Variants in KIFBP observed in about 807,000 individuals in gnomAD.
KIFBP encodes the protein KIF-binding protein.
A neutral mutation model predicts 58.9 loss-of-function variants in KIFBP; 46 were observed. That is an observed-to-expected ratio of 0.78 (90% confidence interval 0.62 to 1.00). KIFBP has a LOEUF of 1.00. Among genes scored for constraint, KIFBP ranks in the 50% least tolerant of loss-of-function variants. The pLI, the probability that KIFBP is intolerant of heterozygous loss-of-function variation, is 0.00. For synonymous variants in KIFBP, 241 were observed against 283.4 expected (o/e 0.85, Z 1.50); for missense variants, 651 against 752.9 (o/e 0.86, Z 1.58).
At position 69,012,319 on chromosome 10, in the gene KIFBP, G is replaced by A. The variant is rs540468728; in HGVS notation, c.990+1304G>A. ...ATTAAGGCCTCGGAAAAGTGCCTGA[G>A]ACATACTAAGTCCTTAATAAATGTT... On this transcript the variant is annotated intron_variant, in intron 6 of 6. Coordinates refer to ENST00000361983, the MANE Select transcript of KIFBP (RefSeq NM_015634.4). Among the ~76,000 whole-genome samples the A allele has an allele frequency of 1.1e-4, 16 of 152,222 alleles. No homozygotes were observed. The South Asian group carries it at 2.5e-3, about 24-fold the overall frequency.
intron 1 of KIFBP, among the ~76,000 whole-genome samples, chr10:68,990,627 T>A (rs888775741): frequency 2.6e-5 from 4 of 152,140 alleles, no homozygotes; most frequent in African/African-American, 9.7e-5. Context: ...AAAAATACTT[T>A]AAAAAGTTAA....
intron 4 of KIFBP, among the ~76,000 whole-genome samples, chr10:69,006,495 TA>T (rs975625391): frequency 5.9e-5 from 9 of 152,188 alleles, no homozygotes; most frequent in Non-Finnish European, 1.2e-4. Context: ...GAATTTCTCA[TA>T]AAAATTTAAA....
intron 2 of KIFBP, among the ~76,000 whole-genome samples, chr10:69,004,251 G>A (rs1843505979): frequency 6.7e-6 from 1 of 150,092 alleles, no homozygotes; most frequent in African/African-American, 2.5e-5. Flanking sequence ...AACTTAAAGA[G>A]GCTGGGCACC....
intron 2 of KIFBP, 67 bp from the exon 3 acceptor site, chr10:69,004,979 T>C: frequency 8.8e-7 from 1 of 1,131,058 alleles, no homozygotes; most frequent in Non-Finnish European, 1.3e-6. Flanking sequence ...CTCCAGGTCC[T>C]CCAGAAGAGG....
chr10:69,011,662 G>C (rs949880490), intron 6 of KIFBP, among the ~76,000 whole-genome samples: 2 of 147,036 alleles, frequency 1.4e-5, no homozygotes, highest in Non-Finnish European at 3.0e-5. Context: ...GGGATTACAG[G>C]TGTGAGCCAC....
chr10:69,016,087 G>A lies in KIFBP; in HGVS notation c.1537G>A (p.Ala513Thr), dbSNP rs1300021171. The stretch of plus-strand genomic sequence containing the variant: ...AAAAATAAATAATCTTAATAAGTCA[G>A]CACTGAAGTACTACCAGCTCTTCTT... ...VKKINNLNKS[A>T]LKYYQLFLDS... Residue 513 changes from alanine to threonine, a missense_variant, in exon 7 of 7, where the codon GCA (alanine) becomes ACA (threonine). Transcript: ENST00000361983. 1 of 1,614,024 alleles carries A rather than the reference G, an allele frequency of 6.2e-7. No individual in the cohort carries two copies. The highest frequency in any genetic ancestry group is 8.5e-7 in the Non-Finnish European group (1 of 1,179,936).
At position 68,989,187 on chromosome 10, in the gene KIFBP, G is replaced by A. The variant is rs1843313543; in HGVS notation, c.355G>A (p.Val119Met). ...EELSAGEEHL[V>M]KCLRLLRRYR... Reference sequence around the variant, plus strand: ...GCTGTCGGCGGGGGAGGAGCACCTGGTGAAATGCCTGCGGCTGCTGCGCAG... The same window carrying A: ...GCTGTCGGCGGGGGAGGAGCACCTGATGAAATGCCTGCGGCTGCTGCGCAG... Residue 119 changes from valine to methionine, a missense_variant, in exon 1 of 7, where the codon GTG becomes ATG. By Grantham distance (21) the Val-to-Met change is conservative (BLOSUM62 1). Coordinates refer to ENST00000361983, the MANE Select transcript of KIFBP (RefSeq NM_015634.4). 3 of 1,613,850 alleles carry A rather than the reference G, an allele frequency of 1.9e-6. No homozygotes were observed. The highest frequency in any genetic ancestry group is 2.5e-6 in the Non-Finnish European group (3 of 1,179,956).
At chr10:69,003,461 G>T (rs1205570661) in intron 2 of KIFBP, among the ~76,000 whole-genome samples, 1 of 152,178 alleles carries the variant, frequency 6.6e-6, no homozygotes, top group Non-Finnish European at 1.5e-5. Flanking sequence ...GAAAGACGTT[G>T]TTCCTTTTTG....
chr10:68,999,414 A>AC (rs368348028), intron 1 of KIFBP, among the ~76,000 whole-genome samples: 3 of 133,168 alleles, frequency 2.3e-5, no homozygotes, highest in African/African-American at 8.4e-5. Flanking sequence ...TTTTTTTTTT[A>AC]AAAAAAAAGT....
At chr10:69,015,443 G>T in intron 6 of KIFBP, 98 bp from the exon 7 acceptor site, 2 of 1,182,936 alleles carry the variant, frequency 1.7e-6, no homozygotes, top group Non-Finnish European at 2.4e-6. Flanking sequence ...GAAAGTAAGA[G>T]ACTTCTCTTC....
At chr10:69,008,234 G>C (rs888506878) in intron 4 of KIFBP, among the ~76,000 whole-genome samples, 17 of 151,166 alleles carry the variant, frequency 1.1e-4, no homozygotes, top group African/African-American at 4.1e-4. Flanking sequence ...GACCTGTTTA[G>C]GCAACATAGA....
rs192643865 is a variant in KIFBP, at chr10:69,007,564, G to A, written c.790-1277G>A. Reference sequence around the variant, plus strand: ...ATTGGATTATAGAGAGATAATTAAAGTTTCATTATATAAACTCTAACTTTC... The same window carrying A: ...ATTGGATTATAGAGAGATAATTAAAATTTCATTATATAAACTCTAACTTTC... On this transcript the variant is annotated intron_variant, in intron 4 of 6. Transcript: ENST00000361983. 31 of 152,222 alleles carry A rather than the reference G, an allele frequency of 2.0e-4. 1 individual carries two copies. Among genetic ancestry groups the A allele is most frequent in the African/African-American group, 7.0e-4 (29 of 41,540 alleles). The allele number at this position is 152,222 out of a possible 1,614,324, so 9.4% of individuals were successfully genotyped here. A position where few individuals can be genotyped will look rare whatever the true frequency, so the allele number is the denominator to read the frequency against.
Position 68,989,821 on chromosome 10 carries a change from C to A in KIFBP, c.426+563C>A, listed in dbSNP as rs146449867. 899 of 154,256 alleles carry A rather than the reference C, an allele frequency of 5.8e-3. 5 individuals carry two copies. Among genetic ancestry groups the A allele is most frequent in the Non-Finnish European group, 9.7e-3 (676 of 69,424 alleles). 9.6% of individuals were successfully genotyped at this position (154,256 alleles called of 1,614,324 possible). A position where few individuals can be genotyped will look rare whatever the true frequency, so the allele number is the denominator to read the frequency against. On this transcript the variant is annotated intron_variant, in intron 1 of 6. Coordinates refer to ENST00000361983, the MANE Select transcript of KIFBP (RefSeq NM_015634.4). ...CAAGCAGTCCTCCTGCCTCAGCCTT[C>A]ATAGTAGCTGGAACCACAGGCGCAT...
chr10:69,000,484 G>C lies in KIFBP; in HGVS notation c.487G>C (p.Glu163Gln), dbSNP rs774262677. 1 of 1,611,450 alleles carries C rather than the reference G, an allele frequency of 6.2e-7. No homozygotes were observed. Among genetic ancestry groups the C allele is most frequent in the South Asian group, 1.1e-5 (1 of 91,010 alleles). Residue 163 changes from glutamate (E) to glutamine (Q), a missense_variant, in exon 2 of 7, where the codon GAG becomes CAG. By Grantham distance (29) the Glu-to-Gln change is conservative (BLOSUM62 2). Transcript: ENST00000361983. ...EEIETAQAYL[E>Q]SSEALYNQYM... ...AATTGAAACTGCACAGGCTTACCTA[G>C]AGTCATCAGAAGCACTATATAATCA...
chr10:68,996,561 A>G (rs1285600492), intron 1 of KIFBP, among the ~76,000 whole-genome samples: 1 of 150,910 alleles, frequency 6.6e-6, no homozygotes, highest in Non-Finnish European at 1.5e-5. Context: ...AACTCTCAAA[A>G]AAATAAATAG....
intron 1 of KIFBP, among the ~76,000 whole-genome samples, chr10:68,994,770 G>A (rs1402360676): frequency 6.6e-6 from 1 of 152,008 alleles, no homozygotes; most frequent in East Asian, 1.9e-4. Context: ...ATTTATACCT[G>A]TGAAACAATC....
At chr10:68,992,659 G>C (rs1442298573) in intron 1 of KIFBP, among the ~76,000 whole-genome samples, 2 of 152,160 alleles carry the variant, frequency 1.3e-5, no homozygotes, top group South Asian at 2.1e-4. Context: ...TTTATATTTT[G>C]TGTGGTGTTT....
At chr10:69,003,981 G>A (rs1043189791) in intron 2 of KIFBP, among the ~76,000 whole-genome samples, 4 of 151,992 alleles carry the variant, frequency 2.6e-5, no homozygotes, top group African/African-American at 7.3e-5. Context: ...AGCACTTTGC[G>A]GGGGCCGAGG....
At chr10:68,998,403 GTT>G (rs34514567) in intron 1 of KIFBP, among the ~76,000 whole-genome samples, 1 of 145,926 alleles carries the variant, frequency 6.9e-6, no homozygotes, top group African/African-American at 2.5e-5. Flanking sequence ...TAATAGAAAG[GTT>G]TTTTTTTTTC....
Sources: gnomAD v4.1 joint callset for allele counts (sites outside exome capture counted in the v4.1 genomes callset) on GRCh38, gnomAD v4.1.1 for gene constraint, MANE v1.5 for transcripts, NCBI Gene and HGNC (gene_info 2026-07-23, HGNC 2026-07-21) for gene names.